EIF4E3: variants seen among roughly 807,000 people sequenced by gnomAD.
The protein encoded by EIF4E3 is eukaryotic translation initiation factor 4E family member 3.
In EIF4E3, 26 loss-of-function variants were observed where a neutral mutation model predicts 31.7. The ratio of observed to expected loss-of-function variants is 0.82; its 90% CI spans 0.60 to 1.14. The LOEUF is 1.14. Ranked by LOEUF, EIF4E3 falls within the 50% of genes most tolerant of loss-of-function variation. EIF4E3 has a pLI of 0.00. For missense variants in EIF4E3, 304 were observed against 270.9 expected (o/e 1.12, Z -0.86); for synonymous variants, 128 against 107.7 (o/e 1.19, Z -1.17).
At chr3:71,731,793 T>A (rs2049709191) in intron 1 of EIF4E3, among the ~76,000 whole-genome samples, 1 of 152,202 alleles carries the variant, frequency 6.6e-6, no homozygotes, top group Non-Finnish European at 1.5e-5. Context: ...GCGCTGCCTG[T>A]TTCTCACAGG....
At chr3:71,744,512 C>T (rs1026456579) in intron 1 of EIF4E3, among the ~76,000 whole-genome samples, 11 of 152,224 alleles carry the variant, frequency 7.2e-5, no homozygotes, top group East Asian at 3.9e-4. Context: ...TTTGGGAGGC[C>T]GAGGTGGGTG....
chr3:71,695,813 C>T (rs2049128254), intron 4 of EIF4E3, among the ~76,000 whole-genome samples: 1 of 152,122 alleles, frequency 6.6e-6, no homozygotes, highest in African/African-American at 2.4e-5. Context: ...TTTTAGTTTC[C>T]CAGGGCTTAA....
upstream of EIF4E3, chr3:71,753,637 G>A (rs969890296): frequency 1.3e-5 from 2 of 148,298 alleles, no homozygotes; most frequent in African/African-American, 2.5e-5. Flanking sequence ...CGGCGGAGGG[G>A]AGGGGGCTCC....
At chr3:71,735,627 A>G (rs2049754936) in intron 1 of EIF4E3, among the ~76,000 whole-genome samples, 1 of 152,202 alleles carries the variant, frequency 6.6e-6, no homozygotes, top group Non-Finnish European at 1.5e-5. Flanking sequence ...ACTCCTTAAT[A>G]AGGCAATTGT....
intron 1 of EIF4E3, among the ~76,000 whole-genome samples, chr3:71,711,190 G>A (rs2049373807): frequency 6.6e-6 from 1 of 152,172 alleles, no homozygotes; most frequent in East Asian, 1.9e-4. Context: ...CATTGCCTGG[G>A]ATGGTAAAAT....
chr3:71,712,150 C>T (rs915894406), intron 1 of EIF4E3, among the ~76,000 whole-genome samples: 1 of 152,168 alleles, frequency 6.6e-6, no homozygotes, highest in African/African-American at 2.4e-5. Context: ...ATTTGCTGGA[C>T]ATTGTTTTAG....
downstream of EIF4E3, among the ~76,000 whole-genome samples, chr3:71,671,453 T>C (rs2048847590): frequency 6.6e-6 from 1 of 152,140 alleles, no homozygotes; most frequent in Non-Finnish European, 1.5e-5. Context: ...TCTCGGGGTA[T>C]TGTGCTCATT....
chr3:71,721,012 G>A (rs2049539755), intron 1 of EIF4E3, among the ~76,000 whole-genome samples: 1 of 152,184 alleles, frequency 6.6e-6, no homozygotes, highest in African/African-American at 2.4e-5. Flanking sequence ...TAACCAACAC[G>A]TGGTCAGCAG....
intron 1 of EIF4E3, among the ~76,000 whole-genome samples, chr3:71,711,043 G>A (rs1174261176): frequency 6.6e-6 from 1 of 152,102 alleles, no homozygotes; most frequent in Non-Finnish European, 1.5e-5. Flanking sequence ...TCTTTTCTCT[G>A]GCTGATTTAA....
At chr3:71,701,919 A>C (rs1467924958) in intron 2 of EIF4E3, among the ~76,000 whole-genome samples, 1 of 152,180 alleles carries the variant, frequency 6.6e-6, no homozygotes, top group Non-Finnish European at 1.5e-5. Flanking sequence ...TCAAACACCC[A>C]TCTGCCTCTA....
the EIF4E3 span, among the ~76,000 whole-genome samples, chr3:71,660,889 A>G: frequency 3.9e-5 from 6 of 152,032 alleles, no homozygotes; most frequent in African/African-American, 1.2e-4. Flanking sequence ...CAGGCTGGTT[A>G]TTTTTATGAA....
At chr3:71,742,519 T>C (rs2049830631) in intron 1 of EIF4E3, among the ~76,000 whole-genome samples, 1 of 152,032 alleles carries the variant, frequency 6.6e-6, no homozygotes. Flanking sequence ...GAAAACTCCA[T>C]GCTCAAATAC....
At chr3:71,705,585 T>A (rs1284776269) in intron 2 of EIF4E3, among the ~76,000 whole-genome samples, 1 of 152,156 alleles carries the variant, frequency 6.6e-6, no homozygotes, top group Non-Finnish European at 1.5e-5. Context: ...GAGATAGGTG[T>A]GGCAAAATCT....
chr3:71,703,977 C>CA (rs1336402141), intron 2 of EIF4E3, among the ~76,000 whole-genome samples: 1 of 152,178 alleles, frequency 6.6e-6, no homozygotes, highest in East Asian at 1.9e-4. Flanking sequence ...TGGGCAGGGC[C>CA]AATAGGCATC....
rs2048937335 is a variant in EIF4E3, at chr3:71,682,659, T to C, written c.*2023A>G. On this transcript the variant is annotated 3_prime_UTR_variant, in exon 7 of 7. Coordinates refer to ENST00000425534, the MANE Select transcript of EIF4E3 (RefSeq NM_001134651.2). ...GTCAGAAACAGTTGCAGAAGTTCAC[T>C]GGGGCAAAAATCTACTTTGTGTGCT... The C allele has an allele frequency of 6.6e-6, 1 of 152,646 alleles. No homozygotes were observed. Among genetic ancestry groups the C allele is most frequent in the Admixed American group, 6.5e-5 (1 of 15,278 alleles). The allele number at this position is 152,646 out of a possible 1,614,324, so 9.5% of individuals were successfully genotyped here. A position where few individuals can be genotyped will look rare whatever the true frequency, so the allele number is the denominator to read the frequency against.
chr3:71,718,744 A>G (rs1191173114), intron 1 of EIF4E3, among the ~76,000 whole-genome samples: 1 of 152,218 alleles, frequency 6.6e-6, no homozygotes, highest in Non-Finnish European at 1.5e-5. Context: ...AGGCCCTCAT[A>G]CTTTTCTGCA....
the EIF4E3 span, among the ~76,000 whole-genome samples, chr3:71,661,233 G>C: frequency 3.3e-5 from 5 of 152,016 alleles, no homozygotes; most frequent in Admixed American, 3.3e-4. Flanking sequence ...GAAGAGGGTT[G>C]GGGGGCGGGG....
At position 71,679,315 on chromosome 3, in the gene EIF4E3, T is replaced by C. The variant is rs904496954; in HGVS notation, c.*5367A>G. The C allele has an allele frequency of 2.6e-5, 4 of 152,192 alleles. No homozygotes were observed. The highest frequency in any genetic ancestry group is 9.7e-5 in the African/African-American group (4 of 41,440). The allele number at this position is 152,192 out of a possible 1,614,324, so 9.4% of individuals were successfully genotyped here. A position where few individuals can be genotyped will look rare whatever the true frequency, so the allele number is the denominator to read the frequency against. ...TCATGTTCAGTTCTATAATGCAAAG[T>C]TGACACTTTAATAGATCCGAAATAA... is the stretch of plus-strand genomic sequence containing the variant. On this transcript the variant is annotated 3_prime_UTR_variant, in exon 7 of 7. Transcript: ENST00000425534.
intron 2 of EIF4E3, among the ~76,000 whole-genome samples, chr3:71,701,334 G>A (rs1347520242): frequency 6.6e-6 from 1 of 152,198 alleles, no homozygotes; most frequent in East Asian, 1.9e-4. Flanking sequence ...ACTCTTAGGA[G>A]GAGGTATGAT....
Sources: allele counts gnomAD v4.1 joint callset (sites outside exome capture counted in the v4.1 genomes callset), GRCh38; gene constraint gnomAD v4.1.1; transcripts MANE v1.5; gene names NCBI Gene and HGNC (gene_info 2026-07-23, HGNC 2026-07-21).